The following MTUS1 variants were observed in gnomAD, a reference collection of about 807,000 sequenced individuals.
The protein encoded by MTUS1 is microtubule associated scaffold protein 1, also known as microtubule-associated tumor suppressor 1.
MTUS1 carries 109 observed loss-of-function variants against 120.8 expected under a neutral mutation model. The observed-to-expected ratio is 0.90, with a 90% CI of 0.77 to 1.06. The LOEUF (loss-of-function observed/expected upper bound fraction) is 1.06. MTUS1 is among the 50% of genes least tolerant of loss of function. The pLI is 0.00. For missense variants in MTUS1, 2,210 were observed against 1,486.3 expected, an observed-to-expected ratio of 1.49 and a Z score of -8.01; for synonymous variants, 737 against 550.5, an observed-to-expected ratio of 1.34 and a Z score of -4.74.
At chr8:17,714,944 C>T (rs1479003941) in intron 5 of MTUS1, among the ~76,000 whole-genome samples, 1 of 112,976 alleles carries the variant, frequency 8.9e-6, no homozygotes, top group East Asian at 3.1e-4. Flanking sequence ...CTCACTCTGT[C>T]ACCCAGGCGG....
intron 2 of MTUS1, among the ~76,000 whole-genome samples, chr8:17,747,802 AG>A (rs1461666689): frequency 2.0e-5 from 3 of 152,108 alleles, no homozygotes; most frequent in Non-Finnish European, 2.9e-5. Context: ...CAAAAGAAAG[AG>A]GTTTAATTGG....
intron 8 of MTUS1, among the ~76,000 whole-genome samples, chr8:17,673,169 A>T (rs79864003): frequency 0.027 from 4,164 of 152,272 alleles, 115 homozygotes; most frequent in African/African-American, 0.064. Flanking sequence ...TCATTTAGGT[A>T]ATCATAAGGG....
intron 1 of MTUS1, among the ~76,000 whole-genome samples, chr8:17,756,403 GCC>G (rs1207356212): frequency 6.6e-6 from 1 of 151,972 alleles, no homozygotes; most frequent in Admixed American, 6.6e-5. Flanking sequence ...TCTCAGAAGG[GCC>G]CCCCTATTAT....
intron 1 of MTUS1, among the ~76,000 whole-genome samples, chr8:17,775,147 G>T (rs746066473): frequency 1.5e-4 from 23 of 152,034 alleles, no homozygotes; most frequent in Non-Finnish European, 2.6e-4. Flanking sequence ...TGTGTGGGAT[G>T]ATGAACAAGT....
intron 6 of MTUS1, among the ~76,000 whole-genome samples, chr8:17,709,348 TC>T (rs1820807924): frequency 1.3e-5 from 2 of 152,096 alleles, no homozygotes; most frequent in Admixed American, 6.6e-5. Context: ...CAGCCTTCAA[TC>T]CGGACCTCTC....
chr8:17,753,574 C>G (rs990354585), intron 2 of MTUS1, 143 bp downstream of exon 2: 8 of 600,564 alleles, frequency 1.3e-5, no homozygotes, highest in African/African-American at 5.6e-5. Context: ...CCAGTACTGA[C>G]AAGACAATGA....
chr8:17,679,359 G>A (rs966360359), intron 7 of MTUS1, among the ~76,000 whole-genome samples: 1 of 91,262 alleles, frequency 1.1e-5, no homozygotes, highest in Non-Finnish European at 2.0e-5. Flanking sequence ...GCGCGCGCGT[G>A]TGTGTGTGTG....
chr8:17,752,559 G>A (rs896194698), intron 2 of MTUS1, among the ~76,000 whole-genome samples: 2 of 152,210 alleles, frequency 1.3e-5, no homozygotes, highest in African/African-American at 4.8e-5. Flanking sequence ...CTAAACTGAT[G>A]TTTTAGAGAA....
chr8:17,782,875 C>G (rs903842030), intron 1 of MTUS1, among the ~76,000 whole-genome samples: 1 of 152,092 alleles, frequency 6.6e-6, no homozygotes, highest in Non-Finnish European at 1.5e-5. Context: ...GTCAGGAGTT[C>G]GGGACCAGCC....
At chr8:17,681,261 G>A (rs975761931) in intron 7 of MTUS1, among the ~76,000 whole-genome samples, 3 of 152,126 alleles carry the variant, frequency 2.0e-5, no homozygotes, top group Non-Finnish European at 2.9e-5. Flanking sequence ...AGTTGTTTGT[G>A]TACTGAATCT....
At chr8:17,775,828 G>T (rs6586648) in intron 1 of MTUS1, among the ~76,000 whole-genome samples, 4 of 152,198 alleles carry the variant, frequency 2.6e-5, no homozygotes, top group Non-Finnish European at 4.4e-5. Context: ...CCCCAGTGGG[G>T]GCCTAAAAAT....
chr8:17,693,338 C>A (rs1218814294), intron 6 of MTUS1: 1 of 152,148 alleles, frequency 6.6e-6, no homozygotes, highest in Non-Finnish European at 1.5e-5. Flanking sequence ...CAGTTCCTGA[C>A]AAATTCACTC....
chr8:17,742,291 G>GTTTTTTTTT (rs1237059839), intron 3 of MTUS1, among the ~76,000 whole-genome samples: 6 of 94,692 alleles, frequency 6.3e-5, no homozygotes, highest in Non-Finnish European at 9.6e-5. Context: ...TGTTGTTGTT[G>GTTTTTTTTT]TTTTTTTTTT....
intron 2 of MTUS1, among the ~76,000 whole-genome samples, chr8:17,753,391 A>G (rs1586174178): frequency 2.0e-5 from 3 of 152,232 alleles, no homozygotes; most frequent in African/African-American, 4.8e-5. Flanking sequence ...TCAGAAAAAT[A>G]AAATATAACC....
At chr8:17,718,574 G>C (rs745620681) in intron 4 of MTUS1, among the ~76,000 whole-genome samples, 4 of 152,078 alleles carry the variant, frequency 2.6e-5, no homozygotes, top group Non-Finnish European at 4.4e-5. Flanking sequence ...CCTAAAGACA[G>C]TGTTCTAGAG....
intron 6 of MTUS1, among the ~76,000 whole-genome samples, chr8:17,703,586 G>A (rs899243378): frequency 4.8e-5 from 7 of 146,686 alleles, no homozygotes; most frequent in East Asian, 2.1e-4. Context: ...CCGAGATCGC[G>A]CCACTGCACC....
At chr8:17,712,865 G>A (rs554061565) in intron 6 of MTUS1, among the ~76,000 whole-genome samples, 1 of 152,146 alleles carries the variant, frequency 6.6e-6, no homozygotes, top group South Asian at 2.1e-4. Flanking sequence ...GGGAAAAGGT[G>A]CTAAAACCAA....
chr8:17,663,506 A>T (rs995629528), intron 8 of MTUS1, among the ~76,000 whole-genome samples: 9 of 152,228 alleles, frequency 5.9e-5, no homozygotes, highest in African/African-American at 1.9e-4. Flanking sequence ...TAGAGCCAAA[A>T]TTACTTGGGT....
chr8:17,778,979 G>T (rs75490806), intron 1 of MTUS1, among the ~76,000 whole-genome samples: 1 of 152,086 alleles, frequency 6.6e-6, no homozygotes, highest in African/African-American at 2.4e-5. Flanking sequence ...CTAGTACAGA[G>T]TGAACAAAAT....
Sources: gnomAD v4.1 joint callset for allele counts (sites outside exome capture counted in the v4.1 genomes callset) on GRCh38, gnomAD v4.1.1 for gene constraint, MANE v1.5 for transcripts, NCBI Gene and HGNC (gene_info 2026-07-23, HGNC 2026-07-21) for gene names.